CARMIL1: variants seen among roughly 807,000 people sequenced by gnomAD.
The protein encoded by CARMIL1 is F-actin-uncapping protein LRRC16A.
In CARMIL1, 90 loss-of-function variants were observed where a neutral mutation model predicts 177.1. The ratio of observed to expected loss-of-function variants is 0.51; its 90% CI spans 0.43 to 0.61. CARMIL1 has a LOEUF of 0.61. Among genes scored for constraint, CARMIL1 ranks in the 20% least tolerant of loss-of-function variants. CARMIL1 has a pLI of 0.00. For synonymous variants in CARMIL1, 577 were observed against 606.2 expected, an observed-to-expected ratio of 0.95 and a Z score of 0.71; for missense variants, 1,380 against 1,667.0, an observed-to-expected ratio of 0.83 and a Z score of 3.00.
chr6:25,502,494 C>T (rs1042136763), intron 17 of CARMIL1, among the ~76,000 whole-genome samples: 5 of 149,386 alleles, frequency 3.3e-5, no homozygotes, highest in Non-Finnish European at 7.4e-5. Context: ...GCGGAGGTTG[C>T]AGTGAGCCGA....
chr6:25,352,689 C>T (rs542428003), intron 2 of CARMIL1, among the ~76,000 whole-genome samples: 8 of 152,280 alleles, frequency 5.3e-5, no homozygotes, highest in Non-Finnish European at 7.3e-5. Context: ...ACACTCATGT[C>T]TCTTGTACTA....
intron 29 of CARMIL1, among the ~76,000 whole-genome samples, chr6:25,560,712 A>G (rs1396466182): frequency 1.3e-5 from 2 of 152,222 alleles, no homozygotes; most frequent in African/African-American, 4.8e-5. Context: ...TATGGATTTC[A>G]TCTATGGTAT....
intron 7 of CARMIL1, 87 bp from the exon 8 acceptor site, chr6:25,450,551 A>G: frequency 9.5e-7 from 1 of 1,052,624 alleles, no homozygotes; most frequent in Non-Finnish European, 1.4e-6. Context: ...AAAACCTGCC[A>G]TTGTCATTGT....
rs958958028 is a variant in CARMIL1 at position 25,579,257 on chromosome 6, A to G, written c.2743-1667A>G. Among the ~76,000 whole-genome samples, 46 of 52,192 alleles carry G rather than the reference A, an allele frequency of 8.8e-4. 1 individual carries two copies. Among genetic ancestry groups the G allele is most frequent in the African/African-American group, 4.4e-3 (44 of 9,892 alleles). The allele number at this position is 52,192 out of a possible 152,430, so 34.2% of individuals were successfully genotyped here. A position where few individuals can be genotyped will look rare whatever the true frequency, so the allele number is the denominator to read the frequency against. Reference sequence around the variant, plus strand: ...TTCCTGTAAAATATAATCAAGAGTCAGGAAAAAAAAAAAAAGACATCTTCA... The same window carrying G: ...TTCCTGTAAAATATAATCAAGAGTCGGGAAAAAAAAAAAAAGACATCTTCA... On this transcript the variant is annotated intron_variant, in intron 29 of 36. Coordinates refer to ENST00000329474, the MANE Select transcript of CARMIL1 (RefSeq NM_017640.6).
At chr6:25,468,204 A>ATT in intron 9 of CARMIL1, among the ~76,000 whole-genome samples, 1 of 152,116 alleles carries the variant, frequency 6.6e-6, no homozygotes, top group African/African-American at 2.4e-5. Flanking sequence ...GGATTTTTAA[A>ATT]AAAAAAAATG....
chr6:25,373,878 G>A (rs1459327072), intron 2 of CARMIL1, among the ~76,000 whole-genome samples: 2 of 152,032 alleles, frequency 1.3e-5, no homozygotes, highest in Admixed American at 6.6e-5. Flanking sequence ...CACTGTGCCC[G>A]GCCTCCATTT....
intron 23 of CARMIL1, among the ~76,000 whole-genome samples, chr6:25,524,426 G>A (rs536522231): frequency 2.6e-4 from 40 of 152,244 alleles, no homozygotes; most frequent in African/African-American, 8.9e-4. Context: ...ACAAAAGCAA[G>A]GACACTAGAG....
chr6:25,528,253 T>C (rs940212627), intron 23 of CARMIL1, among the ~76,000 whole-genome samples: 1 of 152,192 alleles, frequency 6.6e-6, no homozygotes, highest in African/African-American at 2.4e-5. Flanking sequence ...ATGAAATTAG[T>C]ATATATCTTT....
intron 2 of CARMIL1, among the ~76,000 whole-genome samples, chr6:25,328,502 G>A (rs1785323026): frequency 6.6e-6 from 1 of 152,044 alleles, no homozygotes; most frequent in Admixed American, 6.6e-5. Flanking sequence ...TTTACTTCTT[G>A]TGTGCATACT....
intron 28 of CARMIL1, among the ~76,000 whole-genome samples, chr6:25,555,303 G>A (rs190880096): frequency 2.0e-5 from 3 of 152,138 alleles, no homozygotes; most frequent in East Asian, 3.9e-4. Context: ...CTATTTCCTG[G>A]CACAGTAAAG....
chr6:25,279,442 G>A lies in CARMIL1; in HGVS notation c.-354G>A. On this transcript the variant is annotated 5_prime_UTR_variant, in exon 1 of 37. Transcript: ENST00000329474. ...GGCGCGGAGGCTGGGCGGGAGCTAC[G>A]CCGGCCCAAGCCCCGCCGGGGACCA... 1 of 393,248 alleles carries A rather than the reference G, an allele frequency of 2.5e-6. No individual in the cohort carries two copies. The highest frequency in any genetic ancestry group is 4.7e-6 in the Non-Finnish European group (1 of 213,664). 24.4% of individuals were successfully genotyped at this position (393,248 alleles called of 1,614,324 possible). A position where few individuals can be genotyped will look rare whatever the true frequency, so the allele number is the denominator to read the frequency against.
At chr6:25,359,699 T>G (rs1788990179) in intron 2 of CARMIL1, among the ~76,000 whole-genome samples, 1 of 152,210 alleles carries the variant, frequency 6.6e-6, no homozygotes, top group South Asian at 2.1e-4. Context: ...ATGGGAATCA[T>G]TTCCTGTGGG....
chr6:25,529,170 A>G (rs1807466099), intron 24 of CARMIL1, among the ~76,000 whole-genome samples: 1 of 152,354 alleles, frequency 6.6e-6, no homozygotes, highest in South Asian at 2.1e-4. Flanking sequence ...AGATAATAAA[A>G]TCTGAAAGTG....
intron 2 of CARMIL1, among the ~76,000 whole-genome samples, chr6:25,345,993 G>A (rs1470736694): frequency 1.3e-5 from 2 of 152,154 alleles, no homozygotes; most frequent in African/African-American, 4.8e-5. Context: ...AACGTATCCA[G>A]AGTTGATTTC....
At chr6:25,618,240 T>TTTAG (rs921445026) in intron 36 of CARMIL1, among the ~76,000 whole-genome samples, 2 of 151,290 alleles carry the variant, frequency 1.3e-5, no homozygotes, top group African/African-American at 4.9e-5. Flanking sequence ...AGTTCAACAT[T>TTTAG]TTAGTAGCCA....
At chr6:25,312,571 G>GT in intron 2 of CARMIL1, among the ~76,000 whole-genome samples, 1 of 152,034 alleles carries the variant, frequency 6.6e-6, no homozygotes, top group African/African-American at 2.4e-5. Context: ...TGTTGTTTTT[G>GT]TTTTTTTAAA....
intron 5 of CARMIL1, among the ~76,000 whole-genome samples, chr6:25,448,458 C>T (rs919589513): frequency 6.6e-6 from 1 of 152,102 alleles, no homozygotes; most frequent in Admixed American, 6.5e-5. Flanking sequence ...AAACACTTTC[C>T]TGGCCCCTAG....
intron 2 of CARMIL1, among the ~76,000 whole-genome samples, chr6:25,307,117 G>T (rs1394436946): frequency 6.6e-6 from 1 of 152,138 alleles, no homozygotes; most frequent in African/African-American, 2.4e-5. Flanking sequence ...CTGACCTCAG[G>T]TGATCCGCCT....
At chr6:25,604,614 C>G (rs544418844) in intron 33 of CARMIL1, among the ~76,000 whole-genome samples, 198 bp from the exon 34 acceptor site, 2 of 152,162 alleles carry the variant, frequency 1.3e-5, no homozygotes, top group Admixed American at 6.5e-5. Flanking sequence ...GAGTCCTGAC[C>G]GTAAACACAG....
Sources: allele counts gnomAD v4.1 joint callset (sites outside exome capture counted in the v4.1 genomes callset), GRCh38; gene constraint gnomAD v4.1.1; transcripts MANE v1.5; gene names NCBI Gene and HGNC (gene_info 2026-07-23, HGNC 2026-07-21).